The following STX18 variants were observed in gnomAD, a reference collection of about 807,000 sequenced individuals.
The protein encoded by STX18 is syntaxin-18.
In STX18, 40 loss-of-function variants were observed where a neutral mutation model predicts 50.1. That is an observed-to-expected ratio of 0.80 (90% CI 0.62 to 1.04). STX18 has a LOEUF of 1.04. STX18 is among the 50% of genes least tolerant of loss of function. The pLI, the probability that STX18 is intolerant of heterozygous loss-of-function variation, is 0.00. For synonymous variants in STX18, 158 were observed against 151.8 expected, an observed-to-expected ratio of 1.04 and a Z score of -0.30; for missense variants, 410 against 415.8, an observed-to-expected ratio of 0.99 and a Z score of 0.12.
chr4:4,520,397 C>G (rs1413930014), intron 1 of STX18, among the ~76,000 whole-genome samples: 1 of 152,100 alleles, frequency 6.6e-6, no homozygotes, highest in African/African-American at 2.4e-5. Context: ...AATTCTAAAA[C>G]AGTGAGCTAG....
intron 1 of STX18, among the ~76,000 whole-genome samples, chr4:4,487,899 C>T (rs189882582): frequency 3.1e-4 from 47 of 152,238 alleles, no homozygotes; most frequent in African/African-American, 1.0e-3. Flanking sequence ...TAGTTCCTAG[C>T]TCAACAAATG....
At chr4:4,428,766 G>C (rs934023528) in intron 7 of STX18, among the ~76,000 whole-genome samples, 1 of 152,112 alleles carries the variant, frequency 6.6e-6, no homozygotes, top group African/African-American at 2.4e-5. Context: ...ACTTTGCAAG[G>C]TGCGGTGCTG....
At chr4:4,461,754 A>G (rs924207122) in intron 2 of STX18, 2 of 411,688 alleles carry the variant, frequency 4.9e-6, no homozygotes, top group African/African-American at 4.1e-5. Context: ...ACCGGGGGGA[A>G]TGCTTATTCC....
intron 1 of STX18, among the ~76,000 whole-genome samples, chr4:4,481,079 A>G (rs921505880): frequency 6.6e-6 from 1 of 152,218 alleles, no homozygotes; most frequent in African/African-American, 2.4e-5. Flanking sequence ...CCCACAGAAC[A>G]GCCTTGCTAG....
intron 9 of STX18, among the ~76,000 whole-genome samples, chr4:4,421,284 C>T (rs1387117067): frequency 6.6e-6 from 1 of 151,920 alleles, no homozygotes; most frequent in East Asian, 1.9e-4. Flanking sequence ...CTAACTTGCC[C>T]AAAGTCACAT....
intron 1 of STX18, among the ~76,000 whole-genome samples, chr4:4,508,748 C>T (rs1308341683): frequency 1.3e-5 from 2 of 152,124 alleles, no homozygotes; most frequent in African/African-American, 2.4e-5. Flanking sequence ...AGTGTTGCTC[C>T]CCCACCATGT....
intron 1 of STX18, among the ~76,000 whole-genome samples, chr4:4,528,863 C>T (rs1190768274): frequency 2.0e-5 from 3 of 151,600 alleles, no homozygotes; most frequent in Non-Finnish European, 4.4e-5. Flanking sequence ...GCCATCTCAG[C>T]TCCAGAGATC....
intron 1 of STX18, among the ~76,000 whole-genome samples, chr4:4,538,918 A>G (rs1290097109): frequency 2.0e-5 from 3 of 152,186 alleles, no homozygotes; most frequent in Admixed American, 6.5e-5. Context: ...TCCCCCAAAT[A>G]ATCTGAAAAG....
chr4:4,538,772 G>C (rs1731453377), intron 1 of STX18, among the ~76,000 whole-genome samples: 1 of 152,092 alleles, frequency 6.6e-6, no homozygotes, highest in Non-Finnish European at 1.5e-5. Context: ...AGCGAGATTT[G>C]AACCCAAGGC....
intron 7 of STX18, chr4:4,426,523 T>G (rs2108774240): frequency 6.6e-6 from 1 of 152,322 alleles, no homozygotes; most frequent in South Asian, 2.1e-4. Context: ...AGCCTGACCT[T>G]GTTGCCATTG....
chr4:4,498,253 G>C (rs1729274493), intron 1 of STX18, among the ~76,000 whole-genome samples: 1 of 151,960 alleles, frequency 6.6e-6, no homozygotes, highest in Non-Finnish European at 1.5e-5. Flanking sequence ...TCCCTGAAGG[G>C]AGGCACTCCC....
rs1235984523 is a variant in STX18, at chr4:4,420,090, A to AG, written c.951dup (p.Phe318LeufsTer58). On this transcript the variant is annotated frameshift_variant, in exon 11 of 11. Transcript: ENST00000306200. LOFTEE classifies it high-confidence loss of function. The surrounding 1 kb of genome is among the most constrained non-coding windows in gnomAD (Gnocchi z 4.3). Reference sequence around the variant, plus strand: ...GAGAAGGAGCACATCACGAGGAAGAAGAGGATCCACACGCGGAAGCCAGCG... The same window carrying AG: ...GAGAAGGAGCACATCACGAGGAAGAAGGAGGATCCACACGCGGAAGCCAGCG... The AG allele has an allele frequency of 1.2e-6, 2 of 1,613,526 alleles. No homozygotes were observed. The highest frequency in any genetic ancestry group is 1.7e-6 in the Non-Finnish European group (2 of 1,179,740).
In STX18 at chr4:4,433,532, A is replaced by AT. The variant is rs1279433145; in HGVS notation, c.702+1237dup. ...CAAGAATGATCAATAAAAAAAATAA[A>AT]TTAAAAAAAAAAAAAAAAAAAGAAT... On this transcript the variant is annotated intron_variant, in intron 7 of 10. Transcript: ENST00000306200. 3.1e-3 allele frequency among the ~76,000 whole-genome samples: 380 copies of AT among 124,182 alleles called. 3 individuals carry two copies. The highest frequency in any genetic ancestry group is 0.016 in the African/African-American group (368 of 22,424). The allele number at this position is 124,182 out of a possible 152,430, so 81.5% of individuals were successfully genotyped here. A position where few individuals can be genotyped will look rare whatever the true frequency, so the allele number is the denominator to read the frequency against.
intron 1 of STX18, among the ~76,000 whole-genome samples, chr4:4,487,789 T>C (rs1728763069): frequency 1.3e-5 from 2 of 152,196 alleles, no homozygotes; most frequent in African/African-American, 4.8e-5. Context: ...ATCCCAGGAA[T>C]ACGCTCACTC....
intron 1 of STX18, among the ~76,000 whole-genome samples, chr4:4,535,273 T>C (rs888400837): frequency 2.6e-5 from 4 of 152,230 alleles, no homozygotes; most frequent in African/African-American, 7.2e-5. Flanking sequence ...TCAGTGTTTA[T>C]TGGATGATGG....
rs746093405 is a variant in STX18 at position 4,423,544 on chromosome 4, T to A, written c.805A>T (p.Ile269Leu). Residue 269 changes from isoleucine to leucine, a missense_variant, in exon 9 of 11, where the codon ATA becomes TTA. Physicochemically the swap from Ile to Leu is conservative, Grantham distance 5. Transcript: ENST00000306200. ...RVVEISRLQE[I>L]FTEKVLQQEA... ...TGTTGCAAAACCTTTTCCGTGAATA[T>A]CTCTTGGAGTCTGGAAATCTCAACC... 2 of 1,614,126 alleles carry A rather than the reference T, an allele frequency of 1.2e-6. No individual in the cohort carries two copies. The highest frequency in any genetic ancestry group is 2.7e-5 in the African/African-American group (2 of 74,948).
intron 5 of STX18, among the ~76,000 whole-genome samples, chr4:4,444,306 G>C (rs762946375): frequency 5.9e-5 from 9 of 152,140 alleles, no homozygotes; most frequent in Non-Finnish European, 1.0e-4. Flanking sequence ...CTCTTCTTCA[G>C]CCTCTTTGAA....
At chr4:4,473,724 C>T (rs1293228104) in intron 1 of STX18, among the ~76,000 whole-genome samples, 2 of 152,190 alleles carry the variant, frequency 1.3e-5, no homozygotes, top group African/African-American at 4.8e-5. Flanking sequence ...CATCTCCTTA[C>T]CTCCTTCCCC....
intron 5 of STX18, among the ~76,000 whole-genome samples, chr4:4,441,516 C>G (rs1270440238): frequency 6.6e-6 from 1 of 151,726 alleles, no homozygotes; most frequent in Non-Finnish European, 1.5e-5. Flanking sequence ...ATAGCCAAAA[C>G]AAAACAAAAG....
Sources: gnomAD v4.1 joint callset for allele counts (sites outside exome capture counted in the v4.1 genomes callset) on GRCh38, gnomAD v4.1.1 for gene constraint, Gnocchi (gnomAD v3.1) non-coding constraint, MANE v1.5 for transcripts, NCBI Gene and HGNC (gene_info 2026-07-23, HGNC 2026-07-21) for gene names.